NUFIP2: variants seen among roughly 807,000 people sequenced by gnomAD.
NUFIP2 encodes the protein FMR1-interacting protein NUFIP2.
Under a neutral mutation model 56.9 loss-of-function variants are expected in NUFIP2, and 6 were observed. The observed-to-expected ratio is 0.11, with a 90% CI of 0.06 to 0.21. The LOEUF is 0.21. NUFIP2 is among the 10% of genes least tolerant of loss of function. NUFIP2 has a pLI of 1.00. For synonymous variants in NUFIP2, 321 were observed against 298.2 expected (o/e 1.08, Z -0.79); for missense variants, 828 against 826.8 (o/e 1.00, Z -0.02).
intron 1 of NUFIP2, among the ~76,000 whole-genome samples, chr17:29,288,986 A>C (rs952678115): frequency 2.0e-5 from 3 of 152,088 alleles, no homozygotes; most frequent in Non-Finnish European, 4.4e-5. Context: ...TCTACTACAA[A>C]TACAAAAATT....
intron 2 of NUFIP2, among the ~76,000 whole-genome samples, chr17:29,274,247 G>A (rs910847776): frequency 6.6e-6 from 1 of 152,194 alleles, no homozygotes; most frequent in Non-Finnish European, 1.5e-5. Flanking sequence ...ACTCTGGGAG[G>A]CAGAGGTGGG....
chr17:29,285,954 G>C lies in NUFIP2; in HGVS notation c.2002+38C>G, dbSNP rs1017853700. On this transcript the variant is annotated intron_variant, in intron 2 of 3. Coordinates refer to ENST00000225388, the MANE Select transcript of NUFIP2 (RefSeq NM_020772.3). Reference sequence around the variant, plus strand: ...TTAATATAAACAATATACTAAATTGGCCAATAAAAATCTTTGTATAGGAAA... The same window carrying C: ...TTAATATAAACAATATACTAAATTGCCCAATAAAAATCTTTGTATAGGAAA... 4 of 1,475,110 alleles carry C rather than the reference G, an allele frequency of 2.7e-6. No individual in the cohort carries two copies. In the African/African-American group the frequency reaches 5.7e-5, roughly 21 times the overall value. The allele number at this position is 1,475,110 out of a possible 1,614,324, so 91.4% of individuals were successfully genotyped here. A position where few individuals can be genotyped will look rare whatever the true frequency, so the allele number is the denominator to read the frequency against.
Position 29,258,423 on chromosome 17 carries a change from A to T in NUFIP2, c.*6116T>A, listed in dbSNP as rs533614033. On this transcript the variant is annotated 3_prime_UTR_variant, in exon 4 of 4. Transcript: ENST00000225388. The stretch of plus-strand genomic sequence containing the variant: ...AATCTGATTGGTTCAGGGCAGCACT[A>T]TTTCCCCTCTATATACAAACAAAAA... 6.6e-6 allele frequency: 1 copy of T among 152,196 alleles called. No individual in the cohort carries two copies. Among genetic ancestry groups the T allele is most frequent in the South Asian group, 2.1e-4 (1 of 4,822 alleles). The allele number at this position is 152,196 out of a possible 1,614,324, so 9.4% of individuals were successfully genotyped here.
chr17:29,292,807 C>A (rs929248324), intron 1 of NUFIP2, among the ~76,000 whole-genome samples: 6 of 148,524 alleles, frequency 4.0e-5, no homozygotes, highest in Admixed American at 4.0e-4. Context: ...CCACCCCAAC[C>A]GCCCCCGCCC....
intron 1 of NUFIP2, among the ~76,000 whole-genome samples, chr17:29,292,327 A>T (rs1402740945): frequency 3.9e-5 from 6 of 152,058 alleles, no homozygotes; most frequent in Admixed American, 3.9e-4. Flanking sequence ...AACATTTTTT[A>T]AAATCCCTCA....
At chr17:29,274,868 T>G (rs1434707831) in intron 2 of NUFIP2, among the ~76,000 whole-genome samples, 1 of 151,984 alleles carries the variant, frequency 6.6e-6, no homozygotes, top group Non-Finnish European at 1.5e-5. Context: ...ATGGAGATCT[T>G]AGAGAAATGG....
chr17:29,275,789 A>G (rs1275823656), intron 2 of NUFIP2, among the ~76,000 whole-genome samples: 2 of 152,042 alleles, frequency 1.3e-5, no homozygotes, highest in African/African-American at 4.8e-5. Flanking sequence ...GCACTTTGGG[A>G]GGCCAAGGCG....
chr17:29,292,799 A>C (rs922469750), intron 1 of NUFIP2, among the ~76,000 whole-genome samples: 10 of 110,702 alleles, frequency 9.0e-5, no homozygotes, highest in Admixed American at 1.9e-4. Context: ...TCCCTCCCCC[A>C]CCCCAACCGC....
intron 1 of NUFIP2, 55 bp downstream of exon 1, chr17:29,293,728 T>A: frequency 5.4e-3 from 3,822 of 710,224 alleles, no homozygotes; most frequent in Non-Finnish European, 8.0e-3. Context: ...CCCACCCCCA[T>A]CTCTCCTGTC....
At chr17:29,270,552 CAAT>C (rs1567676662) in intron 2 of NUFIP2, among the ~76,000 whole-genome samples, 1 of 151,840 alleles carries the variant, frequency 6.6e-6, no homozygotes, top group East Asian at 1.9e-4. Flanking sequence ...CCAATACAAC[CAAT>C]ATTTTTTATT....
At chr17:29,293,582 C>G (rs1233094593) in intron 1 of NUFIP2, among the ~76,000 whole-genome samples, 3 of 152,062 alleles carry the variant, frequency 2.0e-5, no homozygotes, top group Non-Finnish European at 2.9e-5. Flanking sequence ...CTGGGCCTCT[C>G]CCATGCTGGA....
chr17:29,282,878 G>C (rs2069149095), intron 2 of NUFIP2, among the ~76,000 whole-genome samples: 1 of 151,840 alleles, frequency 6.6e-6, no homozygotes, highest in South Asian at 2.1e-4. Flanking sequence ...AAAAAAAAAG[G>C]CTTCACTTAT....
Position 29,293,992 on chromosome 17 carries a change from G to A in NUFIP2, c.68C>T (p.Pro23Leu), listed in dbSNP as rs890994712. 6.2e-7 allele frequency: 1 copy of A among 1,612,734 alleles called. No individual in the cohort carries two copies. Among genetic ancestry groups the A allele is most frequent in the Non-Finnish European group, 8.5e-7 (1 of 1,179,028 alleles). The change falls in exon 1 of 4, where the codon CCT (proline) becomes CTT (leucine). Residue 23 changes from proline (P) to leucine (L), a missense_variant. Coordinates refer to ENST00000225388, the MANE Select transcript of NUFIP2 (RefSeq NM_020772.3). ...GTGCGGCTGCTGCTGCTGCTGCTGA[G>A]GGTGATGGTGCGGATGGTGGTGGCT... is the stretch of plus-strand genomic sequence containing the variant. Reference protein sequence around the residue: ...HHSHHHPHHHPQQQQQQPHHH... With the variant: ...HHSHHHPHHHLQQQQQQPHHH...
intron 2 of NUFIP2, among the ~76,000 whole-genome samples, chr17:29,269,504 AT>A (rs545018097): frequency 2.1e-3 from 307 of 143,718 alleles, no homozygotes; most frequent in South Asian, 0.011. Context: ...TAAAAACCAA[AT>A]TTTTTTTTTT....
At chr17:29,285,926 C>A in intron 2 of NUFIP2, 66 bp downstream of exon 2, 6 of 1,216,332 alleles carry the variant, frequency 4.9e-6, no homozygotes, top group South Asian at 4.5e-5. Flanking sequence ...TCTTAAAATT[C>A]TCTTAATATA....
rs543769755 is a variant in NUFIP2, at chr17:29,266,084, G to A, written c.2035+1414C>T. Among the ~76,000 whole-genome samples the A allele has an allele frequency of 5.3e-5, 8 of 152,092 alleles. No homozygotes were observed. The South Asian group carries it at 1.7e-3, about 32-fold the overall frequency. On this transcript the variant is annotated intron_variant, in intron 3 of 3. Coordinates refer to ENST00000225388, the MANE Select transcript of NUFIP2 (RefSeq NM_020772.3). ...CTCTTGTGTTCAAGCGATTCTCCTG[G>A]CTCAGCCTCCCTAGTAGCTGGGATT... is the stretch of plus-strand genomic sequence containing the variant.
chr17:29,285,944 T>C (rs771522053), intron 2 of NUFIP2, 48 bp downstream of exon 2: 1 of 1,366,790 alleles, frequency 7.3e-7, no homozygotes, highest in Non-Finnish European at 1.0e-6. Context: ...ATAAACAATA[T>C]ACTAAATTGG....
At chr17:29,281,521 C>T (rs1412363941) in intron 2 of NUFIP2, among the ~76,000 whole-genome samples, 1 of 149,816 alleles carries the variant, frequency 6.7e-6, no homozygotes, top group Non-Finnish European at 1.5e-5. Flanking sequence ...AATGGCATAA[C>T]ATATTATATA....
At chr17:29,266,269 C>A (rs2069035977) in intron 3 of NUFIP2, among the ~76,000 whole-genome samples, 1 of 150,446 alleles carries the variant, frequency 6.6e-6, no homozygotes, top group African/African-American at 2.4e-5. Flanking sequence ...GCCCAGCCTG[C>A]AGGGTGTATT....
Sources: allele counts gnomAD v4.1 joint callset (sites outside exome capture counted in the v4.1 genomes callset), GRCh38; gene constraint gnomAD v4.1.1; transcripts MANE v1.5; gene names NCBI Gene and HGNC (gene_info 2026-07-23, HGNC 2026-07-21).